DPP9: variants seen among roughly 807,000 people sequenced by gnomAD.
DPP9 encodes dipeptidyl peptidase 9, also known as dipeptidyl peptidase IV-related protein-2.
A neutral mutation model predicts 110.7 loss-of-function variants in DPP9; 50 were observed. That is an observed-to-expected ratio of 0.45 (90% CI 0.36 to 0.57). The LOEUF (loss-of-function observed/expected upper bound fraction) is 0.57. DPP9 is among the 20% of genes least tolerant of loss of function. The pLI, the probability that DPP9 is intolerant of heterozygous loss-of-function variation, is 0.00. For missense variants in DPP9, 1,022 were observed against 1,217.9 expected, an observed-to-expected ratio of 0.84 and a Z score of 2.39; for synonymous variants, 561 against 514.4, an observed-to-expected ratio of 1.09 and a Z score of -1.23.
intron 4 of DPP9, among the ~76,000 whole-genome samples, chr19:4,713,536 C>G (rs990730305): frequency 6.6e-6 from 1 of 152,238 alleles, no homozygotes; most frequent in Non-Finnish European, 1.5e-5. Flanking sequence ...GCTGCAAGCG[C>G]GTGGCAAGCC....
intron 3 of DPP9, among the ~76,000 whole-genome samples, chr19:4,716,453 C>A (rs912736704): frequency 2.6e-5 from 4 of 152,044 alleles, no homozygotes; most frequent in African/African-American, 9.7e-5. Flanking sequence ...CTGGCTAACA[C>A]GGTGAAACCC....
intron 2 of DPP9, among the ~76,000 whole-genome samples, chr19:4,720,663 G>T (rs1242881282): frequency 6.6e-6 from 1 of 152,188 alleles, no homozygotes; most frequent in Non-Finnish European, 1.5e-5. Flanking sequence ...GACATGTGTG[G>T]CTGTCACAAC....
At chr19:4,707,483 TG>T (rs1568326511) in intron 4 of DPP9, among the ~76,000 whole-genome samples, 1 of 152,102 alleles carries the variant, frequency 6.6e-6, no homozygotes. Context: ...AAACGTGACA[TG>T]ACTAACGACA....
At chr19:4,692,968 C>T (rs2091460566) in intron 13 of DPP9, among the ~76,000 whole-genome samples, 1 of 152,196 alleles carries the variant, frequency 6.6e-6, no homozygotes, top group Admixed American at 6.5e-5. Flanking sequence ...CCTACAGCAT[C>T]ACCTGTCCCT....
Position 4,684,715 on chromosome 19 carries a change from C to G in DPP9, c.2126G>C (p.Arg709Thr). 2 of 1,612,104 alleles carry G rather than the reference C, an allele frequency of 1.2e-6. No homozygotes were observed. The highest frequency in any genetic ancestry group is 2.2e-5 in the South Asian group (2 of 90,644). ...CCGAAGCCCTCGCTGACAGGAGCCCCTGCCGTCAATCACAACCACGGCGTA... is the reference window on the plus strand; with the variant it reads ...CCGAAGCCCTCGCTGACAGGAGCCCGTGCCGTCAATCACAACCACGGCGTA... ...LGYAVVVIDG[R>T]GSCQRGLRFE... Residue 709 changes from arginine (R) to threonine (T), a missense_variant, in exon 18 of 22, where the codon AGG becomes ACG. Arg to Thr is a moderately conservative substitution (Grantham distance 71, BLOSUM62 -1). Around this residue, in one of 3 missense-constraint regions of DPP9, gnomAD observed 209 missense variants for 280.4 expected, o/e 0.75. Transcript: ENST00000262960. This position sits in a 1 kb window ranked among gnomAD's most constrained non-coding sequence, Gnocchi z 4.8.
chr19:4,685,590 G>T lies in DPP9; in HGVS notation c.2031+36C>A. ...GGGATGGGGAGTCCTCGGGTGGATG[G>T]TGGGGTGGGGGCCTGGGGAGCAGGT... On this transcript the variant is annotated intron_variant, in intron 17 of 21. Coordinates refer to ENST00000262960, the MANE Select transcript of DPP9 (RefSeq NM_139159.5). The surrounding 1 kb of genome is among the most constrained non-coding windows in gnomAD (Gnocchi z 5.8). 6.3e-7 allele frequency: 1 copy of T among 1,574,812 alleles called. No homozygotes were observed. Among genetic ancestry groups the T allele is most frequent in the Non-Finnish European group, 8.6e-7 (1 of 1,160,196 alleles).
intron 20 of DPP9, among the ~76,000 whole-genome samples, chr19:4,681,082 G>T (rs894753484): frequency 6.6e-6 from 1 of 152,188 alleles, no homozygotes; most frequent in African/African-American, 2.4e-5. Flanking sequence ...TGTCCGATAC[G>T]GGAGCCAGTG....
At position 4,710,040 on chromosome 19, in the gene DPP9, G is replaced by T; in HGVS notation, c.313+4041C>A. ...ATGATGGTGACAACTGGCCTTTGAG[G>T]CAAGGGCTAGAGGTGACCGCCAAGG... On this transcript the variant is annotated intron_variant, in intron 4 of 21. Coordinates refer to ENST00000262960, the MANE Select transcript of DPP9 (RefSeq NM_139159.5). The surrounding 1 kb of genome is among the most constrained non-coding windows in gnomAD (Gnocchi z 5.6). Among the ~76,000 whole-genome samples the T allele has an allele frequency of 6.6e-6, 1 of 152,214 alleles. No individual in the cohort carries two copies. Among genetic ancestry groups the T allele is most frequent in the Admixed American group, 6.5e-5 (1 of 15,288 alleles).
intron 4 of DPP9, among the ~76,000 whole-genome samples, chr19:4,706,884 C>T (rs767091690): frequency 1.6e-4 from 24 of 152,172 alleles, no homozygotes; most frequent in Middle Eastern, 3.2e-3. Flanking sequence ...TACATTCGGG[C>T]CTGGACCATC....
rs981419434 is a variant in DPP9 at position 4,697,747 on chromosome 19, A to T, written c.1075-96T>A. On this transcript the variant is annotated intron_variant, in intron 10 of 21. Coordinates refer to ENST00000262960, the MANE Select transcript of DPP9 (RefSeq NM_139159.5). ...CGCTGGGTCCCATCATGTCCCCCCC[A>T]AATTCATATGCTGGAGTCTCAGCCC... The T allele has an allele frequency of 9.5e-6, 9 of 944,590 alleles. No homozygotes were observed. In the African/African-American group the frequency reaches 1.3e-4, roughly 14 times the overall value. The allele number at this position is 944,590 out of a possible 1,614,324, so 58.5% of individuals were successfully genotyped here.
In DPP9 at chr19:4,710,664, G is replaced by A. The variant is rs910038727; in HGVS notation, c.313+3417C>T. ...ATGCTTTGAGCAGCAGGCCAGGCCT[G>A]GCCTTGAAGTCTGGACACTGGGCTA... On this transcript the variant is annotated intron_variant, in intron 4 of 21. Transcript: ENST00000262960. This position sits in a 1 kb window ranked among gnomAD's most constrained non-coding sequence, Gnocchi z 5.6. 1.3e-5 allele frequency among the ~76,000 whole-genome samples: 2 copies of A among 152,174 alleles called. No homozygotes were observed. Among genetic ancestry groups the A allele is most frequent in the Admixed American group, 6.5e-5 (1 of 15,278 alleles).
chr19:4,681,947 C>G (rs2089959682), intron 20 of DPP9, among the ~76,000 whole-genome samples: 1 of 149,326 alleles, frequency 6.7e-6, no homozygotes, highest in Non-Finnish European at 1.5e-5. Flanking sequence ...CTCCCGGGTT[C>G]ACGCCATTCT....
chr19:4,694,517 G>A lies in DPP9; in HGVS notation c.1516+144C>T. Reference sequence around the variant, plus strand: ...CCCTGCCAGATCATGCAGTCACTGGGGAAGGCTGGCTTCCTGCCGATCCCT... The same window carrying A: ...CCCTGCCAGATCATGCAGTCACTGGAGAAGGCTGGCTTCCTGCCGATCCCT... On this transcript the variant is annotated intron_variant, in intron 13 of 21. Coordinates refer to ENST00000262960, the MANE Select transcript of DPP9 (RefSeq NM_139159.5). The surrounding 1 kb of genome is among the most constrained non-coding windows in gnomAD (Gnocchi z 4.0). 1 of 1,056,610 alleles carries A rather than the reference G, an allele frequency of 9.5e-7. No individual in the cohort carries two copies. The highest frequency in any genetic ancestry group is 2.6e-5 in the East Asian group (1 of 38,252). The allele number at this position is 1,056,610 out of a possible 1,614,324, so 65.5% of individuals were successfully genotyped here. A position where few individuals can be genotyped will look rare whatever the true frequency, so the allele number is the denominator to read the frequency against.
rs935691665 is a variant in DPP9 at position 4,710,717 on chromosome 19, G to A, written c.313+3364C>T. Reference sequence around the variant, plus strand: ...GCTAAGAAGTGTTATTATTACTCAGGGGCTGGGGGGAGGCCTGCCCCGAGA... The same window carrying A: ...GCTAAGAAGTGTTATTATTACTCAGAGGCTGGGGGGAGGCCTGCCCCGAGA... On this transcript the variant is annotated intron_variant, in intron 4 of 21. Transcript: ENST00000262960. This position sits in a 1 kb window ranked among gnomAD's most constrained non-coding sequence, Gnocchi z 5.6. 1.3e-5 allele frequency among the ~76,000 whole-genome samples: 2 copies of A among 152,158 alleles called. No homozygotes were observed. The highest frequency in any genetic ancestry group is 6.5e-5 in the Admixed American group (1 of 15,280).
At chr19:4,681,842 CTTTTTTTTTT>C (rs778786711) in intron 20 of DPP9, among the ~76,000 whole-genome samples, 31 of 115,742 alleles carry the variant, frequency 2.7e-4, no homozygotes, top group African/African-American at 1.0e-3. Context: ...CCCAGGCAGA[CTTTTTTTTTT>C]TTTTTTTTTT....
intron 4 of DPP9, among the ~76,000 whole-genome samples, chr19:4,709,526 T>G (rs916760525): frequency 7.2e-5 from 11 of 152,128 alleles, no homozygotes; most frequent in African/African-American, 2.7e-4. Flanking sequence ...ACCCTGCCCG[T>G]CCGGCCGCCC....
At position 4,700,548 on chromosome 19, in the gene DPP9, AC is replaced by A; in HGVS notation, c.1013-272del. On this transcript the variant is annotated intron_variant, in intron 9 of 21. Transcript: ENST00000262960. This position sits in a 1 kb window ranked among gnomAD's most constrained non-coding sequence, Gnocchi z 4.3. ...GCATCTGGCTTTCTCATTTAAAAAC[AC>A]GGGCCACACCCTGTGCTGAGAGCTG... 6.6e-6 allele frequency among the ~76,000 whole-genome samples: 1 copy of A among 152,292 alleles called. No homozygotes were observed. The highest frequency in any genetic ancestry group is 2.4e-5 in the African/African-American group (1 of 41,572).
In DPP9 at chr19:4,694,392, G is replaced by T; in HGVS notation, c.1516+269C>A. On this transcript the variant is annotated intron_variant, in intron 13 of 21. Transcript: ENST00000262960. This position sits in a 1 kb window ranked among gnomAD's most constrained non-coding sequence, Gnocchi z 4.0. ...GGTGGTGGGCCGGATTTGACCTGTG[G>T]GCCGTAGGTGGCCAACCCCTGGTTG... 1.9e-6 allele frequency: 1 copy of T among 531,170 alleles called. No homozygotes were observed. The highest frequency in any genetic ancestry group is 3.3e-6 in the Non-Finnish European group (1 of 300,646). 32.9% of individuals were successfully genotyped at this position (531,170 alleles called of 1,614,324 possible). A position where few individuals can be genotyped will look rare whatever the true frequency, so the allele number is the denominator to read the frequency against.
chr19:4,686,275 G>GA (rs1194203870), intron 16 of DPP9, among the ~76,000 whole-genome samples: 1 of 151,438 alleles, frequency 6.6e-6, no homozygotes, highest in African/African-American at 2.4e-5. Context: ...ATTTTTAGTA[G>GA]AGACGGGGTT....
Sources: allele counts gnomAD v4.1 joint callset (sites outside exome capture counted in the v4.1 genomes callset), GRCh38; gene constraint gnomAD v4.1.1; regional missense constraint gnomAD v4.1.1; non-coding constraint Gnocchi (gnomAD v3.1); transcripts MANE v1.5; gene names NCBI Gene and HGNC (gene_info 2026-07-23, HGNC 2026-07-21).